The following PRAG1 variants were observed in gnomAD, a reference collection of about 807,000 sequenced individuals.
PRAG1 encodes the protein inactive tyrosine-protein kinase PRAG1.
PRAG1 carries 110 observed loss-of-function variants against 95.6 expected under a neutral mutation model. That is an observed-to-expected ratio of 1.15 (90% CI 0.99 to 1.35). PRAG1 has a LOEUF of 1.35. PRAG1 is among the 40% of genes most tolerant of loss of function. The pLI, the probability that PRAG1 is intolerant of heterozygous loss-of-function variation, is 0.00. For synonymous variants in PRAG1, 1,052 were observed against 819.4 expected (o/e 1.28, Z -4.85); for missense variants, 2,554 against 1,864.7 (o/e 1.37, Z -6.81).
intron 5 of PRAG1, among the ~76,000 whole-genome samples, chr8:8,322,026 G>A (rs755666895): frequency 3.9e-5 from 6 of 152,108 alleles, no homozygotes; most frequent in Middle Eastern, 3.2e-3. Context: ...GAACTCACGG[G>A]CAACAGCACT....
chr8:8,330,737 T>TC (rs1311072928), intron 4 of PRAG1, among the ~76,000 whole-genome samples: 1 of 152,096 alleles, frequency 6.6e-6, no homozygotes, highest in Non-Finnish European at 1.5e-5. Context: ...TCCACAGGTC[T>TC]CCCCATCCCA....
In PRAG1 at chr8:8,338,765, G is replaced by GA. The variant is rs778677261; in HGVS notation, c.2320+712dup. 5.9e-5 allele frequency among the ~76,000 whole-genome samples: 9 copies of GA among 152,146 alleles called. No homozygotes were observed. In the South Asian group the frequency reaches 1.9e-3, roughly 32 times the overall value. Reference sequence around the variant, plus strand: ...TGAGAAGAAATATTTCCATAGGACTGAAAAAGGAAGTCATGTGAGTACAAG... The same window carrying GA: ...TGAGAAGAAATATTTCCATAGGACTGAAAAAAGGAAGTCATGTGAGTACAAG... On this transcript the variant is annotated intron_variant, in intron 4 of 5. Coordinates refer to ENST00000615670, the MANE Select transcript of PRAG1 (RefSeq NM_001080826.3).
chr8:8,327,379 G>C (rs1446656398), intron 5 of PRAG1, among the ~76,000 whole-genome samples: 1 of 152,022 alleles, frequency 6.6e-6, no homozygotes, highest in African/African-American at 2.4e-5. Context: ...AGACCAGCCG[G>C]GCCAATATGG....
chr8:8,373,078 C>G (rs1318419900), intron 3 of PRAG1, among the ~76,000 whole-genome samples: 1 of 152,168 alleles, frequency 6.6e-6, no homozygotes, highest in African/African-American at 2.4e-5. Flanking sequence ...GCTTGAAGAC[C>G]TTTCACGTTC....
Position 8,318,296 on chromosome 8 carries a change from G to A in PRAG1, c.4079C>T (p.Ala1360Val), listed in dbSNP as rs375569413. 6.2e-7 allele frequency: 1 copy of A among 1,614,170 alleles called. No individual in the cohort carries two copies. The highest frequency in any genetic ancestry group is 8.5e-7 in the Non-Finnish European group (1 of 1,180,006). The change falls in exon 6 of 6, where the codon GCC becomes GTC. Residue 1360 changes from alanine (A) to valine (V), a missense_variant. Physicochemically the swap from Ala to Val is moderately conservative, Grantham distance 64. Transcript: ENST00000615670. The surrounding 1 kb of genome is among the most constrained non-coding windows in gnomAD (Gnocchi z 4.2). ...TLHNWIDMKRALMMMKFAEKA... is the reference protein window; with the variant it reads ...TLHNWIDMKRVLMMMKFAEKA... ...CTCCGCAAACTTCATCATCATCAGG[G>A]CCCGCTTCATGTCGATCCAGTTGTG...
At chr8:8,353,533 A>C (rs1363122917) in intron 3 of PRAG1, among the ~76,000 whole-genome samples, 1 of 152,196 alleles carries the variant, frequency 6.6e-6, no homozygotes, top group Non-Finnish European at 1.5e-5. Context: ...AATATATCAA[A>C]ATGTATAAGA....
chr8:8,377,255 A>G lies in PRAG1; in HGVS notation c.1154T>C (p.Val385Ala). The G allele has an allele frequency of 6.2e-7, 1 of 1,612,676 alleles. No individual in the cohort carries two copies. Among genetic ancestry groups the G allele is most frequent in the South Asian group, 1.1e-5 (1 of 91,046 alleles). The change falls in exon 3 of 6, where the codon GTG becomes GCG. Residue 385 changes from valine (V) to alanine (A), a missense_variant. By Grantham distance (64) the Val-to-Ala change is moderately conservative. Transcript: ENST00000615670. Reference sequence around the variant, plus strand: ...CAGCCCAAGGCATCTGCTAGGGGTCACCCCTGGGCAGCCAGGGTCCTGCTG... The same window carrying G: ...CAGCCCAAGGCATCTGCTAGGGGTCGCCCCTGGGCAGCCAGGGTCCTGCTG... ...EKQQDPGCPG[V>A]TPSRCLGLTG...
At chr8:8,378,308 G>A (rs919977540) in intron 2 of PRAG1, among the ~76,000 whole-genome samples, 3 of 152,166 alleles carry the variant, frequency 2.0e-5, no homozygotes, top group African/African-American at 7.2e-5. Context: ...ACACTGAGCT[G>A]CCCTTCCTAC....
chr8:8,319,591 G>C (rs994039939), intron 5 of PRAG1, among the ~76,000 whole-genome samples: 3 of 152,166 alleles, frequency 2.0e-5, no homozygotes, highest in Admixed American at 6.5e-5. Context: ...ACACCATTAA[G>C]AAAGTGGAAA....
At position 8,327,786 on chromosome 8, in the gene PRAG1, G is replaced by A. The variant is rs373883100; in HGVS notation, c.2996C>T (p.Pro999Leu). 4.0e-5 allele frequency: 65 copies of A among 1,614,054 alleles called. No homozygotes were observed. The highest frequency in any genetic ancestry group is 5.3e-5 in the Non-Finnish European group (63 of 1,180,046). ...AATGGCATCCCCCGAGTCACAGCAG[G>A]GCTTGTTACAAGTCAGCTTGAAGAG... The part of the protein sequence containing the change: ...WSLFKLTCNK[P>L]CCDSGDAIYY... The change falls in exon 5 of 6, where the codon CCC (proline) becomes CTC (leucine). Residue 999 changes from proline to leucine, a missense_variant. Coordinates refer to ENST00000615670, the MANE Select transcript of PRAG1 (RefSeq NM_001080826.3).
chr8:8,318,186 A>AGAGG lies in PRAG1; in HGVS notation c.4185_4188dup (p.Leu1397ProfsTer52). ...AGCTGCAGGAGCTTCAGCGACTGTAAGAGGGCCCCGGGCTCCGCAGACGCC... is the reference window on the plus strand; with the variant it reads ...AGCTGCAGGAGCTTCAGCGACTGTAAGAGGGAGGGCCCCGGGCTCCGCAGACGCC... On this transcript the variant is annotated frameshift_variant, in exon 6 of 6. Transcript: ENST00000615670. LOFTEE classifies it high-confidence loss of function. The surrounding 1 kb of genome is among the most constrained non-coding windows in gnomAD (Gnocchi z 4.2). 6.2e-7 allele frequency: 1 copy of AGAGG among 1,613,892 alleles called. No individual in the cohort carries two copies.
chr8:8,318,876 CG>C lies in PRAG1; in HGVS notation c.3498del (p.Ala1167ProfsTer52). 1.9e-6 allele frequency: 1 copy of C among 540,262 alleles called. No individual in the cohort carries two copies. Among genetic ancestry groups the C allele is most frequent in the Non-Finnish European group, 2.6e-6 (1 of 387,084 alleles). The allele number at this position is 540,262 out of a possible 1,614,324, so 33.5% of individuals were successfully genotyped here. A position where few individuals can be genotyped will look rare whatever the true frequency, so the allele number is the denominator to read the frequency against. On this transcript the variant is annotated frameshift_variant, in exon 6 of 6. Coordinates refer to ENST00000615670, the MANE Select transcript of PRAG1 (RefSeq NM_001080826.3). LOFTEE classifies it high-confidence loss of function. This position sits in a 1 kb window ranked among gnomAD's most constrained non-coding sequence, Gnocchi z 4.2. ...CTLQAGPGPA[P>X]APAPAPAPAA... ...GCGGGGGCGGGAGCCGGGGCGGGGG[CG>C]GGGGCGGGCCCGGGGCCGGCCTGGA...
intron 3 of PRAG1, among the ~76,000 whole-genome samples, chr8:8,368,068 G>C (rs1800070487): frequency 6.6e-6 from 1 of 152,120 alleles, no homozygotes; most frequent in Admixed American, 6.6e-5. Context: ...TATTTGTTTA[G>C]GTTTTAGACT....
At position 8,377,651 on chromosome 8, in the gene PRAG1, T is replaced by A. The variant is rs747355629; in HGVS notation, c.758A>T (p.Tyr253Phe). ...AGGGCAGCAGTCCAGGATGGAGCAG[T>A]ACTCTCCACCCTCGCTGTCCCCGGA... Reference protein sequence around the residue: ...SPSGDSEGGEYCSILDCCPGS... With the variant: ...SPSGDSEGGEFCSILDCCPGS... The change falls in exon 3 of 6, where the codon TAC becomes TTC. Residue 253 changes from tyrosine (Y) to phenylalanine (F), a missense_variant. Coordinates refer to ENST00000615670, the MANE Select transcript of PRAG1 (RefSeq NM_001080826.3). The A allele has an allele frequency of 2.0e-5, 33 of 1,613,566 alleles. No individual in the cohort carries two copies. Among genetic ancestry groups the A allele is most frequent in the Admixed American group, 3.3e-5 (2 of 60,000 alleles).
chr8:8,327,424 G>C (rs961895627), intron 5 of PRAG1, among the ~76,000 whole-genome samples: 1 of 152,158 alleles, frequency 6.6e-6, no homozygotes, highest in African/African-American at 2.4e-5. Context: ...ACAAAAATTA[G>C]CTGGGTACCG....
Position 8,328,677 on chromosome 8 carries a change from TG to T in PRAG1, c.2321-217del, listed in dbSNP as rs573965910. The stretch of plus-strand genomic sequence containing the variant: ...TGACAACTAAGTCTTCCTCCTACCC[TG>T]TCCCTCATACTCAGCTCTCTCATCA... On this transcript the variant is annotated intron_variant, in intron 4 of 5. Transcript: ENST00000615670. 9.2e-5 allele frequency among the ~76,000 whole-genome samples: 14 copies of T among 152,350 alleles called. No homozygotes were observed. The South Asian group carries it at 2.3e-3, about 25-fold the overall frequency.
chr8:8,366,036 A>C (rs1404140257), intron 3 of PRAG1, among the ~76,000 whole-genome samples: 4 of 152,124 alleles, frequency 2.6e-5, no homozygotes, highest in African/African-American at 9.7e-5. Flanking sequence ...ATTGCTTAAT[A>C]AGATTTAAGG....
At chr8:8,366,531 C>T (rs981702811) in intron 3 of PRAG1, among the ~76,000 whole-genome samples, 1 of 152,094 alleles carries the variant, frequency 6.6e-6, no homozygotes, top group African/African-American at 2.4e-5. Context: ...CCAGGCTGGT[C>T]TTGAACTCCT....
chr8:8,340,716 C>A (rs1434277299), intron 3 of PRAG1, among the ~76,000 whole-genome samples: 2 of 152,208 alleles, frequency 1.3e-5, no homozygotes, highest in Admixed American at 6.5e-5. Context: ...TCACGGGAAT[C>A]CCCTGTGTAT....
Sources: allele counts gnomAD v4.1 joint callset (sites outside exome capture counted in the v4.1 genomes callset), GRCh38; gene constraint gnomAD v4.1.1; non-coding constraint Gnocchi (gnomAD v3.1); transcripts MANE v1.5; gene names NCBI Gene and HGNC (gene_info 2026-07-23, HGNC 2026-07-21).